Variants in SLC30A8 observed in about 807,000 individuals in gnomAD.
SLC30A8 encodes proton-coupled zinc antiporter SLC30A8.
SLC30A8 carries 27 observed loss-of-function variants against 36.9 expected under a neutral mutation model. That is an observed-to-expected ratio of 0.73 (90% CI 0.54 to 1.01). The LOEUF (loss-of-function observed/expected upper bound fraction) is 1.01, where lower values mean the gene tolerates loss of function less well. Ranked by LOEUF, SLC30A8 falls within the 50% of genes least tolerant of loss-of-function variation. The probability of loss-of-function intolerance (pLI) is 0.00; values close to 1 mark genes in which losing one functional copy is unlikely to be tolerated. For missense variants in SLC30A8, 439 were observed against 452.0 expected, an observed-to-expected ratio of 0.97 and a Z score of 0.26; for synonymous variants, 164 against 172.4, an observed-to-expected ratio of 0.95 and a Z score of 0.38.
intron 2 of SLC30A8, among the ~76,000 whole-genome samples, chr8:117,053,194 G>A (rs888287361): frequency 4.4e-4 from 67 of 152,294 alleles, no homozygotes; most frequent in African/African-American, 1.6e-3. Context: ...CTCCCAAAGT[G>A]CTGGGATTAG....
At chr8:117,126,146 A>C (rs1820896031) in intron 2 of SLC30A8, among the ~76,000 whole-genome samples, 1 of 151,988 alleles carries the variant, frequency 6.6e-6, no homozygotes, top group South Asian at 2.1e-4. Context: ...ACGTCCAATC[A>C]AGTGTAGCTT....
At chr8:117,039,125 C>A (rs1469952098) in intron 1 of SLC30A8, 2 of 152,164 alleles carry the variant, frequency 1.3e-5, no homozygotes, top group Admixed American at 1.3e-4. Context: ...GCACCTACTG[C>A]AACCAGACCC....
At chr8:116,999,927 A>C (rs932689250) in intron 1 of SLC30A8, among the ~76,000 whole-genome samples, 1 of 152,192 alleles carries the variant, frequency 6.6e-6, no homozygotes, top group Admixed American at 6.5e-5. Context: ...TATTTTCCTA[A>C]AAGTTTTCTG....
chr8:117,076,720 A>G (rs1351306586), intron 2 of SLC30A8, among the ~76,000 whole-genome samples: 2 of 151,822 alleles, frequency 1.3e-5, no homozygotes, highest in African/African-American at 2.4e-5. Context: ...TACCTTATTT[A>G]TCTATCTCCA....
At chr8:117,139,418 C>G (rs926422654) in intron 1 of SLC30A8, among the ~76,000 whole-genome samples, 18 of 152,046 alleles carry the variant, frequency 1.2e-4, no homozygotes, top group African/African-American at 4.3e-4. Flanking sequence ...AGGCAAGCAT[C>G]TATTAGCCAG....
chr8:116,965,316 A>T (rs1410537126), intron 1 of SLC30A8, among the ~76,000 whole-genome samples: 2 of 152,242 alleles, frequency 1.3e-5, no homozygotes, highest in Non-Finnish European at 2.9e-5. Flanking sequence ...CTAAAATACA[A>T]ACTGAAGGAT....
chr8:117,052,036 G>A (rs1586445754), intron 2 of SLC30A8, among the ~76,000 whole-genome samples: 1 of 152,052 alleles, frequency 6.6e-6, no homozygotes, highest in Non-Finnish European at 1.5e-5. Flanking sequence ...TGGAGACGGA[G>A]TTCCACTCTT....
chr8:117,016,237 C>T (rs1816514369), intron 1 of SLC30A8, among the ~76,000 whole-genome samples: 1 of 152,122 alleles, frequency 6.6e-6, no homozygotes, highest in African/African-American at 2.4e-5. Flanking sequence ...TTGTTTTAAC[C>T]TTGCGCACAG....
At chr8:117,161,970 A>G in intron 5 of SLC30A8, 82 bp downstream of exon 5, 1 of 1,255,068 alleles carries the variant, frequency 8.0e-7, no homozygotes, top group Non-Finnish European at 1.1e-6. Context: ...TAACTTAAAG[A>G]GAATGGGCAT....
intron 2 of SLC30A8, among the ~76,000 whole-genome samples, chr8:117,123,566 A>G (rs941598339): frequency 5.3e-5 from 8 of 152,048 alleles, no homozygotes; most frequent in African/African-American, 1.9e-4. Flanking sequence ...TTCATAATGT[A>G]AAGCAATATT....
At chr8:117,114,535 C>T (rs961488999) in intron 2 of SLC30A8, among the ~76,000 whole-genome samples, 11 of 152,180 alleles carry the variant, frequency 7.2e-5, no homozygotes, top group East Asian at 1.9e-4. Flanking sequence ...AGCTGACCCC[C>T]GTCAGCTTTA....
rs1175604207 is a variant in SLC30A8 at position 117,173,748 on chromosome 8, A to C, written c.*1067A>C. On this transcript the variant is annotated 3_prime_UTR_variant, in exon 8 of 8. Transcript: ENST00000456015. ...TTCTGCATTTTTAAAAGTTACCCAGAGATGCTTCTAAAGATGAGCCATAGT... is the reference window on the plus strand; with the variant it reads ...TTCTGCATTTTTAAAAGTTACCCAGCGATGCTTCTAAAGATGAGCCATAGT... 6.6e-6 allele frequency: 1 copy of C among 152,164 alleles called. No homozygotes were observed. Among genetic ancestry groups the C allele is most frequent in the Non-Finnish European group, 1.5e-5 (1 of 68,020 alleles). The allele number at this position is 152,164 out of a possible 1,614,324, so 9.4% of individuals were successfully genotyped here. A position where few individuals can be genotyped will look rare whatever the true frequency, so the allele number is the denominator to read the frequency against.
chr8:116,996,996 C>T (rs1408805006), intron 1 of SLC30A8, among the ~76,000 whole-genome samples: 1 of 148,142 alleles, frequency 6.8e-6, no homozygotes, highest in Non-Finnish European at 1.5e-5. Context: ...TTTTTTGAGA[C>T]GGAGTTTTGC....
At chr8:117,170,406 T>C (rs1823311576) in intron 6 of SLC30A8, among the ~76,000 whole-genome samples, 1 of 152,182 alleles carries the variant, frequency 6.6e-6, no homozygotes, top group African/African-American at 2.4e-5. Flanking sequence ...CATCCTCCAA[T>C]GTAGCTAAAA....
At chr8:117,098,003 A>AATATATATTTATTTTAAATAAATATATT (rs1343898897) in intron 2 of SLC30A8, among the ~76,000 whole-genome samples, 2 of 130,120 alleles carry the variant, frequency 1.5e-5, no homozygotes, top group African/African-American at 5.8e-5. Context: ...ATAAATATAT[A>AATATATATTTATTTTAAATAAATATATT]ATATATATTT....
chr8:116,975,295 A>G (rs139058712), intron 1 of SLC30A8, among the ~76,000 whole-genome samples: 52 of 152,342 alleles, frequency 3.4e-4, no homozygotes, highest in African/African-American at 1.2e-3. Flanking sequence ...TAGACTGCTT[A>G]GCTCTGGGAT....
rs544247759 is a variant in SLC30A8 at position 117,127,045 on chromosome 8, G to C, written c.-225-8235G>C. On this transcript the variant is annotated intron_variant, in intron 2 of 10. Coordinates refer to the SLC30A8 transcript ENST00000427715. Reference sequence around the variant, plus strand: ...CAAAGTAGCCAGTTCAGTGGAAACTGTCTACAATTCATTACACACCATACT... The same window carrying C: ...CAAAGTAGCCAGTTCAGTGGAAACTCTCTACAATTCATTACACACCATACT... Among the ~76,000 whole-genome samples the C allele has an allele frequency of 1.2e-4, 18 of 152,144 alleles. 1 individual carries two copies. The South Asian group carries it at 3.7e-3, about 32-fold the overall frequency.
chr8:117,140,617 G>T (rs1485101676), intron 1 of SLC30A8, among the ~76,000 whole-genome samples: 1 of 151,960 alleles, frequency 6.6e-6, no homozygotes, highest in Non-Finnish European at 1.5e-5. Context: ...AAAAGAAAAA[G>T]AAATTCCTAT....
At chr8:117,079,330 A>C (rs572198320) in intron 2 of SLC30A8, among the ~76,000 whole-genome samples, 1 of 152,202 alleles carries the variant, frequency 6.6e-6, no homozygotes, top group South Asian at 2.1e-4. Context: ...TCCTTTTACT[A>C]ATGAAAATAT....
Sources: allele counts gnomAD v4.1 joint callset (sites outside exome capture counted in the v4.1 genomes callset), GRCh38; gene constraint gnomAD v4.1.1; transcripts MANE v1.5; gene names NCBI Gene and HGNC (gene_info 2026-07-23, HGNC 2026-07-21).